The following BRD9 variants were observed in gnomAD, a reference collection of about 807,000 sequenced individuals.
The protein encoded by BRD9 is bromodomain-containing protein 9.
BRD9 carries 47 observed loss-of-function variants against 68.7 expected under a neutral mutation model. The ratio of observed to expected loss-of-function variants is 0.68; its 90% CI spans 0.54 to 0.87. The LOEUF is 0.87. BRD9 is among the 40% of genes least tolerant of loss of function. The pLI is 0.00. For synonymous variants in BRD9, 313 were observed against 293.9 expected (o/e 1.06, Z -0.67); for missense variants, 670 against 748.4 (o/e 0.90, Z 1.22).
At position 865,578 on chromosome 5, in the gene BRD9, T is replaced by G. The variant is rs1470695887; in HGVS notation, c.1529A>C (p.Lys510Thr). 1.9e-6 allele frequency: 3 copies of G among 1,597,464 alleles called. No homozygotes were observed. In the African/African-American group the frequency reaches 4.0e-5, roughly 21 times the overall value. ...VDISMLSSLG[K>T]VKKELDPDDS... ...GTCAGGGTCCAGCTCCTTCTTCACC[T>G]TCCCTGTGTAAACAGGACATGACCC... The change falls in exon 15 of 16, where the codon AAG becomes ACG. Residue 510 changes from lysine (K) to threonine (T), a missense_variant. Physicochemically the swap from Lys to Thr is moderately conservative, Grantham distance 78. Coordinates refer to ENST00000467963, the MANE Select transcript of BRD9 (RefSeq NM_023924.5).
At chr5:885,956 T>C (rs1395624020) in intron 7 of BRD9, among the ~76,000 whole-genome samples, 1 of 152,064 alleles carries the variant, frequency 6.6e-6, no homozygotes, top group Admixed American at 6.5e-5. Context: ...AGAGCCCCCA[T>C]GAAAACCACT....
rs771926099 is a variant in BRD9 at position 889,005 on chromosome 5, A to C, written c.606+16T>G. On this transcript the variant is annotated intron_variant, in intron 5 of 15. Transcript: ENST00000467963. ...GAACTATGCCACGATTACTTCGGGC[A>C]ATGAAAGTAACTTACCTTAAATTCC... 1.2e-6 allele frequency: 2 copies of C among 1,602,146 alleles called. No homozygotes were observed. The highest frequency in any genetic ancestry group is 2.2e-5 in the East Asian group (1 of 44,750).
chr5:876,087 C>G lies in BRD9; in HGVS notation c.1383+14G>C. 6.3e-7 allele frequency: 1 copy of G among 1,590,158 alleles called. No homozygotes were observed. The highest frequency in any genetic ancestry group is 8.6e-7 in the Non-Finnish European group (1 of 1,161,794). ...GGGCACCTGCCCCCCAACCCCGGTG[C>G]GAGTGCAGCCCACCTGCTTCAGCTG... On this transcript the variant is annotated intron_variant, in intron 12 of 15. Coordinates refer to ENST00000467963, the MANE Select transcript of BRD9 (RefSeq NM_023924.5).
Position 891,847 on chromosome 5 carries a change from G to C in BRD9, c.60C>G (p.Ala20=), listed in dbSNP as rs1160723577. Residue 20 remains alanine, a synonymous_variant, in exon 2 of 16, where the codon GCC becomes GCG. Transcript: ENST00000467963. ...AEWRSSYEDY[A]DKPLEKPLKL... Reference sequence around the variant, plus strand: ...TTAGAGGCTTCTCCAGGGGCTTGTCGGCATAATCTGCACAGACACAGACCG... The same window carrying C: ...TTAGAGGCTTCTCCAGGGGCTTGTCCGCATAATCTGCACAGACACAGACCG... 1.3e-6 allele frequency: 2 copies of C among 1,551,078 alleles called. No individual in the cohort carries two copies. Among genetic ancestry groups the C allele is most frequent in the African/African-American group, 2.7e-5 (2 of 72,988 alleles).
At position 871,543 on chromosome 5, in the gene BRD9, G is replaced by T. The variant is rs1422502681; in HGVS notation, c.1405C>A (p.Pro469Thr). 3.7e-6 allele frequency: 6 copies of T among 1,614,100 alleles called. No individual in the cohort carries two copies. Among genetic ancestry groups the T allele is most frequent in the Non-Finnish European group, 3.4e-6 (4 of 1,179,940 alleles). ...LKQRRNVPMK[P>T]PDEAKVGDTL... ...AAACTTACCTTGGCTTCATCTGGAG[G>T]CTTCATGGGAACATTTCTTCTCTGA... Residue 469 changes from proline to threonine, a missense_variant, in exon 13 of 16, where the codon CCT (proline) becomes ACT (threonine). Transcript: ENST00000467963.
intron 5 of BRD9, among the ~76,000 whole-genome samples, chr5:887,821 C>G (rs1211761753): frequency 3.3e-5 from 5 of 152,188 alleles, no homozygotes; most frequent in African/African-American, 1.2e-4. Flanking sequence ...AAGTGCAAGT[C>G]AAGGGATGAA....
chr5:889,206 C>G (rs112274986), intron 4 of BRD9, 41 bp from the exon 5 acceptor site: 46 of 1,581,174 alleles, frequency 2.9e-5, no homozygotes, highest in Non-Finnish European at 3.7e-5. Flanking sequence ...ATCTAGATTT[C>G]TAAATGATAC....
chr5:873,648 C>A (rs143721821), intron 12 of BRD9, among the ~76,000 whole-genome samples: 1 of 152,190 alleles, frequency 6.6e-6, no homozygotes, highest in African/African-American at 2.4e-5. Flanking sequence ...ACATGAGCCT[C>A]CTGGCCCACC....
rs1749085008 is a variant in BRD9 at position 864,710 on chromosome 5, C to A, written c.1694-142G>T. The stretch of plus-strand genomic sequence containing the variant: ...ACACAGGGGCACCTCTCACTCCCTG[C>A]CAAGGAGAGCTGTGTGTAGAGACCC... On this transcript the variant is annotated intron_variant, in intron 15 of 15. Coordinates refer to ENST00000467963, the MANE Select transcript of BRD9 (RefSeq NM_023924.5). 2.8e-5 allele frequency: 18 copies of A among 654,098 alleles called. No homozygotes were observed. In the South Asian group the frequency reaches 3.0e-4, roughly 11 times the overall value. 40.5% of individuals were successfully genotyped at this position (654,098 alleles called of 1,614,324 possible).
chr5:878,258 T>C (rs1278918462), intron 11 of BRD9, 97 bp downstream of exon 11: 17 of 1,540,626 alleles, frequency 1.1e-5, no homozygotes, highest in Middle Eastern at 1.7e-4. Context: ...GCAAGATGGC[T>C]CTCTCCCCAC....
At chr5:891,060 A>G (rs1484695695) in intron 3 of BRD9, 95 bp downstream of exon 3, 4 of 1,412,604 alleles carry the variant, frequency 2.8e-6, no homozygotes, top group Non-Finnish European at 3.8e-6. Context: ...CCTCCCTCCC[A>G]TGCTTCTCCC....
At chr5:877,073 G>A (rs114418207) in intron 11 of BRD9, among the ~76,000 whole-genome samples, 4,865 of 152,280 alleles carry the variant, frequency 0.032, 243 homozygotes, top group African/African-American at 0.11. Flanking sequence ...CTTTCTTCAC[G>A]GCAACATGGA....
At chr5:870,679 G>T in intron 13 of BRD9, 104 bp from the exon 14 acceptor site, 1 of 789,934 alleles carries the variant, frequency 1.3e-6, no homozygotes, top group Non-Finnish European at 2.1e-6. Flanking sequence ...TGCTAAACGT[G>T]AACCCACCCC....
rs2150541502 is a variant in BRD9, at chr5:864,323, T to C, written c.*145A>G. On this transcript the variant is annotated 3_prime_UTR_variant, in exon 16 of 16. Coordinates refer to ENST00000467963, the MANE Select transcript of BRD9 (RefSeq NM_023924.5). ...GGGCTTGGAGACTCTGCTGACATGA[T>C]ACCACAGACAATTCATTACCTCCCC... 1.6e-6 allele frequency: 1 copy of C among 620,202 alleles called. No individual in the cohort carries two copies. The highest frequency in any genetic ancestry group is 2.7e-6 in the Non-Finnish European group (1 of 370,556). The allele number at this position is 620,202 out of a possible 1,614,324, so 38.4% of individuals were successfully genotyped here.
Position 892,706 on chromosome 5 carries a change from C to T in BRD9, c.-49G>A. ...GGCGGGGGCTGGGAACAGCTGGCAC[C>T]CGGTCGGACCTTGGCCGCCACCGCC... On this transcript the variant is annotated 5_prime_UTR_variant, in exon 1 of 16. Transcript: ENST00000467963. 7.5e-7 allele frequency: 1 copy of T among 1,327,898 alleles called. No homozygotes were observed. Among genetic ancestry groups the T allele is most frequent in the Non-Finnish European group, 9.6e-7 (1 of 1,036,600 alleles). The allele number at this position is 1,327,898 out of a possible 1,614,324, so 82.3% of individuals were successfully genotyped here.
At chr5:878,234 C>G in intron 11 of BRD9, 121 bp downstream of exon 11, 2 of 1,414,096 alleles carry the variant, frequency 1.4e-6, no homozygotes, top group Non-Finnish European at 1.9e-6. Context: ...ACCCAGGCTG[C>G]CATATGGACG....
chr5:864,531 G>C lies in BRD9; in HGVS notation c.1731C>G (p.Asp577Glu), dbSNP rs141705577. The C allele has an allele frequency of 1.2e-6, 2 of 1,614,002 alleles. No individual in the cohort carries two copies. The highest frequency in any genetic ancestry group is 2.7e-5 in the African/African-American group (2 of 75,058). The change falls in exon 16 of 16, where the codon GAC becomes GAG. Residue 577 changes from aspartate to glutamate, a missense_variant. Physicochemically the swap from Asp to Glu is conservative, Grantham distance 45. This residue lies in a region of BRD9 where 280 missense variants were observed against 281.5 expected (regional missense o/e 0.99). Coordinates refer to ENST00000467963, the MANE Select transcript of BRD9 (RefSeq NM_023924.5). Reference sequence around the variant, plus strand: ...GAAACTCATAGGGGTCGTGGGTGACGTCTGGCTGCTCCCCGACACTCAGGC... The same window carrying C: ...GAAACTCATAGGGGTCGTGGGTGACCTCTGGCTGCTCCCCGACACTCAGGC... The part of the protein sequence containing the change: ...PSRLSVGEQP[D>E]VTHDPYEFLQ...
chr5:876,113 G>C lies in BRD9; in HGVS notation c.1371C>G (p.Phe457Leu). ...ITGGDHSRTL[F>L]QLKQRRNVPM... Reference sequence around the variant, plus strand: ...GAGTGCAGCCCACCTGCTTCAGCTGGAAGAGCGTCCTAGAGTGGTCTCCGC... The same window carrying C: ...GAGTGCAGCCCACCTGCTTCAGCTGCAAGAGCGTCCTAGAGTGGTCTCCGC... The change falls in exon 12 of 16, where the codon TTC becomes TTG. Residue 457 changes from phenylalanine to leucine, a missense_variant. By Grantham distance (22) the Phe-to-Leu change is conservative. This residue lies in a region of BRD9 where 280 missense variants were observed against 281.5 expected (regional missense o/e 0.99). Coordinates refer to ENST00000467963, the MANE Select transcript of BRD9 (RefSeq NM_023924.5). 6.2e-7 allele frequency: 1 copy of C among 1,612,350 alleles called. No homozygotes were observed. Among genetic ancestry groups the C allele is most frequent in the Non-Finnish European group, 8.5e-7 (1 of 1,179,320 alleles).
intron 14 of BRD9, among the ~76,000 whole-genome samples, chr5:866,766 G>C (rs1401271695): frequency 6.6e-6 from 1 of 152,174 alleles, no homozygotes; most frequent in Non-Finnish European, 1.5e-5. Context: ...CATTCAAGAG[G>C]TGACTTGGCT....
Sources: gnomAD v4.1 joint callset for allele counts (sites outside exome capture counted in the v4.1 genomes callset) on GRCh38, gnomAD v4.1.1 for gene constraint, gnomAD v4.1.1 regional missense constraint, MANE v1.5 for transcripts, NCBI Gene and HGNC (gene_info 2026-07-23, HGNC 2026-07-21) for gene names.